PCDH15: variants seen among roughly 807,000 people sequenced by gnomAD.
PCDH15 encodes the protein protocadherin-15.
PCDH15 carries 129 observed loss-of-function variants against 178.5 expected under a neutral mutation model. The ratio of observed to expected loss-of-function variants is 0.72; its 90% CI spans 0.63 to 0.84. The LOEUF is 0.84. Ranked by LOEUF, PCDH15 falls within the 40% of genes least tolerant of loss-of-function variation. The pLI is 0.00. For missense variants in PCDH15, 2,230 were observed against 2,099.9 expected (o/e 1.06, Z -1.21); for synonymous variants, 800 against 732.0 (o/e 1.09, Z -1.50).
intron 2 of PCDH15, among the ~76,000 whole-genome samples, chr10:55,326,633 T>C (rs1844038347): frequency 6.6e-6 from 1 of 152,100 alleles, no homozygotes; most frequent in South Asian, 2.1e-4. Flanking sequence ...AATTAAGTAG[T>C]TAGCAAATAA....
chr10:54,622,668 T>TA lies in PCDH15; in HGVS notation c.91+41503_91+41504insT, dbSNP rs1565777219. 8.9e-5 allele frequency among the ~76,000 whole-genome samples: 8 copies of TA among 89,662 alleles called. 1 individual carries two copies. Among genetic ancestry groups the TA allele is most frequent in the African/African-American group, 3.4e-4 (7 of 20,486 alleles). The allele number at this position is 89,662 out of a possible 152,430, so 58.8% of individuals were successfully genotyped here. ...TTATATATATACTATATAATATATA[T>TA]TATATATAATATATATTATATAATA... On this transcript the variant is annotated intron_variant, in intron 2 of 37. Coordinates refer to ENST00000644397, the MANE Select transcript of PCDH15 (RefSeq NM_001384140.1).
intron 2 of PCDH15, among the ~76,000 whole-genome samples, chr10:55,117,855 A>C (rs967609966): frequency 2.6e-5 from 4 of 152,124 alleles, no homozygotes; most frequent in Non-Finnish European, 4.4e-5. Flanking sequence ...ATTTGGGAGG[A>C]TGAATATTCA....
intron 1 of PCDH15, among the ~76,000 whole-genome samples, chr10:54,709,293 C>T (rs577031902): frequency 5.9e-5 from 9 of 152,054 alleles, no homozygotes; most frequent in East Asian, 1.9e-4. Flanking sequence ...ATACTATGAT[C>T]GGTTCCAAGA....
chr10:53,901,641 G>A (rs948459871), intron 26 of PCDH15, among the ~76,000 whole-genome samples: 6 of 152,022 alleles, frequency 3.9e-5, no homozygotes, highest in East Asian at 1.9e-4. Flanking sequence ...CACCTAGAAC[G>A]AATCCCATAT....
intron 1 of PCDH15, among the ~76,000 whole-genome samples, chr10:55,265,348 A>G (rs1335625301): frequency 1.3e-5 from 2 of 151,260 alleles, no homozygotes; most frequent in African/African-American, 4.9e-5. Flanking sequence ...ATATATCTCT[A>G]TAATAGATAT....
intron 8 of PCDH15, among the ~76,000 whole-genome samples, chr10:54,296,831 CCTCT>C (rs1173730396): frequency 1.3e-5 from 2 of 150,720 alleles, no homozygotes; most frequent in Non-Finnish European, 3.0e-5. Context: ...AGATCTCTTC[CCTCT>C]CTCAGGGTAT....
At chr10:54,977,325 G>A (rs77577485) in intron 2 of PCDH15, among the ~76,000 whole-genome samples, 2,223 of 152,186 alleles carry the variant, frequency 0.015, 53 homozygotes, top group African/African-American at 0.05. Context: ...CTGATAAAAC[G>A]TGATGGTAAA....
At position 54,022,888 on chromosome 10, in the gene PCDH15, A is replaced by G. The variant is rs972846119; in HGVS notation, c.2526+4T>C. The stretch of plus-strand genomic sequence containing the variant: ...TCATGTAATAAATGCTTTTTCCCAC[A>G]CACCTCTATTTGAAGGATGGTAGTC... On this transcript the variant is annotated splice_donor_region_variant and intron_variant, in intron 19 of 37. Coordinates refer to ENST00000644397, the MANE Select transcript of PCDH15 (RefSeq NM_001384140.1). 1 of 1,613,772 alleles carries G rather than the reference A, an allele frequency of 6.2e-7. No individual in the cohort carries two copies. Among genetic ancestry groups the G allele is most frequent in the African/African-American group, 1.3e-5 (1 of 75,040 alleles).
intron 13 of PCDH15, among the ~76,000 whole-genome samples, chr10:54,181,110 T>C (rs540621438): frequency 2.9e-4 from 44 of 152,328 alleles, no homozygotes; most frequent in Non-Finnish European, 5.3e-4. Context: ...TATGTCATTA[T>C]AGAGATGAAA....
chr10:55,446,847 A>C (rs1188203396), intron 2 of PCDH15, among the ~76,000 whole-genome samples: 1 of 152,120 alleles, frequency 6.6e-6, no homozygotes, highest in Non-Finnish European at 1.5e-5. Context: ...TGTAGTGTGA[A>C]GCAGCACCAC....
chr10:54,177,103 A>C (rs895442513), intron 13 of PCDH15, among the ~76,000 whole-genome samples: 1 of 152,166 alleles, frequency 6.6e-6, no homozygotes, highest in African/African-American at 2.4e-5. Context: ...CCCTGAAAAG[A>C]TATGGGCTAT....
chr10:54,779,452 T>TATATGTGTATATATATACACA (rs1566221590), intron 1 of PCDH15, among the ~76,000 whole-genome samples: 11 of 110,898 alleles, frequency 9.9e-5, no homozygotes, highest in African/African-American at 3.2e-4. Context: ...ATATATACAC[T>TATATGTGTATATATATACACA]CATATATGTG....
At chr10:54,189,768 C>T (rs550225750) in intron 11 of PCDH15, among the ~76,000 whole-genome samples, 1 of 152,208 alleles carries the variant, frequency 6.6e-6, no homozygotes, top group African/African-American at 2.4e-5. Context: ...ATCTCTGACA[C>T]TGAAAACCTG....
At chr10:54,552,253 C>A (rs2086702289) in intron 2 of PCDH15, among the ~76,000 whole-genome samples, 1 of 152,104 alleles carries the variant, frequency 6.6e-6, no homozygotes, top group Non-Finnish European at 1.5e-5. Context: ...TATTTTTATG[C>A]ACTAGCTCCA....
chr10:55,145,919 G>T (rs1365595919), intron 2 of PCDH15, among the ~76,000 whole-genome samples: 1 of 151,850 alleles, frequency 6.6e-6, no homozygotes, highest in Non-Finnish European at 1.5e-5. Flanking sequence ...ATAGACAGAT[G>T]TAAACAAACA....
At chr10:54,622,584 ATATATAT>A (rs2093387978) in intron 2 of PCDH15, among the ~76,000 whole-genome samples, 1 of 100,480 alleles carries the variant, frequency 1.0e-5, no homozygotes, top group Admixed American at 1.5e-4. Flanking sequence ...TATATATATA[ATATATAT>A]AATATATAAT....
chr10:55,342,777 G>A (rs933229708), intron 2 of PCDH15, among the ~76,000 whole-genome samples: 4 of 152,122 alleles, frequency 2.6e-5, no homozygotes, highest in African/African-American at 7.2e-5. Flanking sequence ...GTACCTCTGA[G>A]AAGAAATAAG....
At chr10:54,051,413 G>C (rs2093771418) in intron 18 of PCDH15, among the ~76,000 whole-genome samples, 1 of 152,158 alleles carries the variant, frequency 6.6e-6, no homozygotes, top group Admixed American at 6.5e-5. Flanking sequence ...GTAGTGATTT[G>C]TACAATGAAG....
intron 15 of PCDH15, among the ~76,000 whole-genome samples, chr10:54,119,430 G>C (rs1173416251): frequency 6.6e-6 from 1 of 151,900 alleles, no homozygotes; most frequent in Non-Finnish European, 1.5e-5. Flanking sequence ...AAGTAACCCA[G>C]TCAGACAAAA....
Sources: allele counts gnomAD v4.1 joint callset (sites outside exome capture counted in the v4.1 genomes callset), GRCh38; gene constraint gnomAD v4.1.1; transcripts MANE v1.5; gene names NCBI Gene and HGNC (gene_info 2026-07-23, HGNC 2026-07-21).